The following FANCA variants were observed in gnomAD, a reference collection of about 807,000 sequenced individuals.
FANCA encodes FA complementation group A.
A neutral mutation model predicts 194.3 loss-of-function variants in FANCA; 236 were observed. The ratio of observed to expected loss-of-function variants is 1.21; its 90% CI spans 1.09 to 1.35. FANCA has a LOEUF of 1.35. FANCA is among the 40% of genes most tolerant of loss of function. The pLI is 0.00. For synonymous variants in FANCA, 1,014 were observed against 715.8 expected (o/e 1.42, Z -6.65); for missense variants, 2,628 against 1,813.9 (o/e 1.45, Z -8.15).
chr16:89,771,948 G>A (rs192389936), intron 22 of FANCA, 134 bp from the exon 23 acceptor site: 11 of 1,051,650 alleles, frequency 1.0e-5, no homozygotes, highest in South Asian at 9.4e-5. Context: ...CCAGCCAGGT[G>A]CTGAACACCA....
intron 37 of FANCA, among the ~76,000 whole-genome samples, chr16:89,742,055 C>T (rs1211230445): frequency 3.3e-5 from 5 of 151,994 alleles, no homozygotes; most frequent in African/African-American, 1.2e-4. Flanking sequence ...AGCCTCTGCC[C>T]CCTGGGTTCA....
At chr16:89,787,736 C>CA (rs1414579425) in intron 14 of FANCA, among the ~76,000 whole-genome samples, 1 of 150,954 alleles carries the variant, frequency 6.6e-6, no homozygotes, top group East Asian at 1.9e-4. Flanking sequence ...GACCTTGCCT[C>CA]AAAAAAACAA....
In FANCA at chr16:89,770,208, G is replaced by A; in HGVS notation, c.2274C>T (p.Leu758=). ...LFVRTMCGRV[L]PAVLTRLCQL... is the part of the protein sequence containing the mutation. ...GGCAGAGCCGGGTGAGCACTGCAGG[G>A]AGCACACGTCCACACATGGTCCTCA... Residue 758 remains leucine, a synonymous_variant, in exon 25 of 43, where the codon CTC becomes CTT. Transcript: ENST00000389301. The A allele has an allele frequency of 6.3e-7, 1 of 1,594,288 alleles. No homozygotes were observed. Among genetic ancestry groups the A allele is most frequent in the Non-Finnish European group, 8.5e-7 (1 of 1,171,054 alleles).
At chr16:89,803,572 T>C (rs2040530703) in intron 7 of FANCA, among the ~76,000 whole-genome samples, 1 of 152,164 alleles carries the variant, frequency 6.6e-6, no homozygotes, top group South Asian at 2.1e-4. Flanking sequence ...ACCAGATTTT[T>C]TCCTCTTGCA....
Position 89,810,735 on chromosome 16 carries a change from G to C in FANCA, c.494C>G (p.Ser165Cys), listed in dbSNP as rs141918444. ...TATTTTCCATAATTCTTGACAGAAG[G>C]AAAGACGGGAGAACATACTGTGTGC... is the stretch of plus-strand genomic sequence containing the variant. ...LLAHSMFSRL[S>C]FCQELWKIQS... The change falls in exon 5 of 43, where the codon TCC (serine) becomes TGC (cysteine). Residue 165 changes from serine to cysteine, a missense_variant. Ser to Cys is a moderately radical substitution (Grantham distance 112). Coordinates refer to ENST00000389301, the MANE Select transcript of FANCA (RefSeq NM_000135.4). 1.2e-6 allele frequency: 2 copies of C among 1,612,228 alleles called. No homozygotes were observed. Among genetic ancestry groups the C allele is most frequent in the East Asian group, 2.2e-5 (1 of 44,880 alleles).
intron 38 of FANCA, chr16:89,740,375 C>G (rs965667048): frequency 3.9e-6 from 2 of 512,738 alleles, no homozygotes; most frequent in Non-Finnish European, 7.1e-6. Flanking sequence ...TGCAGTGGCT[C>G]ATGCCTGTAA....
rs764157478 is a variant in FANCA, at chr16:89,808,294, C to G, written c.596G>C (p.Ser199Thr). Residue 199 changes from serine (S) to threonine (T), a missense_variant and splice_region_variant, in exon 6 of 43, where the codon AGC becomes ACC. Ser to Thr is a moderately conservative substitution (Grantham distance 58). Transcript: ENST00000389301. ...GIVSLQELLE[S>T]HPDMHAVGSW... ...CACTGAATCATCATTAGCACGCTAC[C>G]TTTCCAGCAGCTCTTGCAGGCTCAC... 6 of 1,613,740 alleles carry G rather than the reference C, an allele frequency of 3.7e-6. No homozygotes were observed. The highest frequency in any genetic ancestry group is 2.7e-5 in the African/African-American group (2 of 74,910).
At chr16:89,750,142 T>C (rs534940189) in intron 31 of FANCA, among the ~76,000 whole-genome samples, 1 of 152,052 alleles carries the variant, frequency 6.6e-6, no homozygotes, top group South Asian at 2.1e-4. Flanking sequence ...GCAGGCAGAT[T>C]CCTTGAGCCC....
chr16:89,754,200 T>A (rs2038693781), intron 30 of FANCA, among the ~76,000 whole-genome samples: 1 of 150,310 alleles, frequency 6.7e-6, no homozygotes, highest in Non-Finnish European at 1.5e-5. Context: ...CCAGCCTGGG[T>A]GACAGAGCGA....
In FANCA at chr16:89,816,122, G is replaced by A. The variant is rs756939490; in HGVS notation, c.80-136C>T. The A allele has an allele frequency of 5.5e-6, 4 of 723,326 alleles. No homozygotes were observed. In the Admixed American group the frequency reaches 6.1e-5, roughly 11 times the overall value. 44.8% of individuals were successfully genotyped at this position (723,326 alleles called of 1,614,324 possible). ...AGAGGGGCCGGGGCTCCTCCCCAGG[G>A]CGCAGGTCTCGGGAAACTAACGGAG... On this transcript the variant is annotated intron_variant, in intron 1 of 42. Coordinates refer to ENST00000389301, the MANE Select transcript of FANCA (RefSeq NM_000135.4).
intron 14 of FANCA, chr16:89,791,176 G>C (rs2040062909): frequency 1.7e-6 from 1 of 600,934 alleles, no homozygotes; most frequent in South Asian, 2.0e-5. Context: ...CCGACAGGGA[G>C]AACCCAGGCT....
chr16:89,783,075 G>A lies in FANCA; in HGVS notation c.1498C>T (p.Pro500Ser), dbSNP rs776371246. The part of the protein sequence containing the change: ...QVHILHPPLV[P>S]GKYRSLLTDY... ...GTGAGGAGGGAGCGGTACTTGCCGG[G>A]AACCAGGGGTGGGTGGAGAATGTGC... Residue 500 changes from proline (P) to serine (S), a missense_variant, in exon 16 of 43, where the codon CCC (proline) becomes TCC (serine). By Grantham distance (74) the Pro-to-Ser change is moderately conservative. Transcript: ENST00000389301. The A allele has an allele frequency of 4.3e-6, 7 of 1,613,752 alleles. No homozygotes were observed. Among genetic ancestry groups the A allele is most frequent in the African/African-American group, 1.3e-5 (1 of 74,910 alleles).
At chr16:89,813,745 T>G (rs2040993782) in intron 3 of FANCA, among the ~76,000 whole-genome samples, 1 of 152,040 alleles carries the variant, frequency 6.6e-6, no homozygotes. Context: ...CAATGCCAAT[T>G]TCTAGTCATT....
At position 89,746,901 on chromosome 16, in the gene FANCA, G is replaced by C. The variant is rs1190325114; in HGVS notation, c.3349-11C>G. On this transcript the variant is annotated splice_polypyrimidine_tract_variant and intron_variant, in intron 33 of 42. Transcript: ENST00000389301. The stretch of plus-strand genomic sequence containing the variant: ...GGAGCAGAAGTTTCTCTGCAAAAGA[G>C]TTCAAGGCAGGTAAGAAAAGCCCAC... The C allele has an allele frequency of 6.4e-7, 1 of 1,553,364 alleles. No individual in the cohort carries two copies. The highest frequency in any genetic ancestry group is 2.4e-5 in the East Asian group (1 of 41,066).
chr16:89,779,754 A>G, intron 18 of FANCA, 115 bp downstream of exon 18: 3 of 866,428 alleles, frequency 3.5e-6, no homozygotes, highest in Non-Finnish European at 5.8e-6. Flanking sequence ...CAGGCATCAG[A>G]GCGGAGTCTG....
intron 24 of FANCA, 92 bp downstream of exon 24, chr16:89,770,472 C>G (rs972643135): frequency 5.5e-6 from 7 of 1,264,252 alleles, no homozygotes; most frequent in African/African-American, 3.0e-5. Context: ...CCTGCGGAGA[C>G]GAGCTCATGA....
At position 89,739,292 on chromosome 16, in the gene FANCA, A is replaced by C; in HGVS notation, c.4011-3T>G. ...CTTCATGGAAGTAGGAGAGAAGACT[A>C]GAGGTAAAGACATAGTGACAAATGG... On this transcript the variant is annotated splice_region_variant and splice_polypyrimidine_tract_variant and intron_variant, in intron 40 of 42. Coordinates refer to ENST00000389301, the MANE Select transcript of FANCA (RefSeq NM_000135.4). 1 of 1,614,102 alleles carries C rather than the reference A, an allele frequency of 6.2e-7. No homozygotes were observed.
At chr16:89,749,631 T>C (rs2143136690) in intron 32 of FANCA, 99 bp downstream of exon 32, 1 of 1,438,774 alleles carries the variant, frequency 7.0e-7, no homozygotes, top group East Asian at 2.5e-5. Flanking sequence ...GACAAGTAAG[T>C]AACGGGAAAC....
In FANCA at chr16:89,738,696, G is replaced by C. The variant is rs587778321; in HGVS notation, c.4273C>G (p.Arg1425Gly). ...FSHVAELLADRGDCDPEVSAA... is the reference protein window; with the variant it reads ...FSHVAELLADGGDCDPEVSAA... ...CTCACCTCTGGGTCGCAGTCCCCAC[G>C]ATCAGCCAGCAGCTGTGAGAGAGGA... Residue 1425 changes from arginine (R) to glycine (G), a missense_variant, in exon 43 of 43, where the codon CGT (arginine) becomes GGT (glycine). Arg to Gly is a moderately radical substitution (Grantham distance 125, BLOSUM62 -2). Transcript: ENST00000389301. 7 of 1,613,766 alleles carry C rather than the reference G, an allele frequency of 4.3e-6. No individual in the cohort carries two copies. Among genetic ancestry groups the C allele is most frequent in the Admixed American group, 3.3e-5 (2 of 59,992 alleles).
Sources: gnomAD v4.1 joint callset for allele counts (sites outside exome capture counted in the v4.1 genomes callset) on GRCh38, gnomAD v4.1.1 for gene constraint, MANE v1.5 for transcripts, NCBI Gene and HGNC (gene_info 2026-07-23, HGNC 2026-07-21) for gene names.